The following ADD1 variants were observed in gnomAD, a reference collection of about 807,000 sequenced individuals.
ADD1 encodes the protein adducin 1.
ADD1 carries 24 observed loss-of-function variants against 80.5 expected under a neutral mutation model. That is an observed-to-expected ratio of 0.30 (90% confidence interval 0.22 to 0.42). The LOEUF (loss-of-function observed/expected upper bound fraction) is 0.42, where lower values mean the gene tolerates loss of function less well. Ranked by LOEUF, ADD1 falls within the 10% of genes least tolerant of loss-of-function variation. The pLI is 1.00. For synonymous variants in ADD1, 373 were observed against 393.8 expected (o/e 0.95, Z 0.63); for missense variants, 948 against 1,019.0 (o/e 0.93, Z 0.95).
intron 4 of ADD1, among the ~76,000 whole-genome samples, chr4:2,886,395 T>G (rs1003381942): frequency 6.6e-6 from 1 of 152,242 alleles, no homozygotes; most frequent in Non-Finnish European, 1.5e-5. Context: ...TGAGTTGCCT[T>G]CTATCCATCT....
At chr4:2,898,657 C>T (rs1735668951) in intron 8 of ADD1, 126 bp downstream of exon 8, 1 of 836,614 alleles carries the variant, frequency 1.2e-6, no homozygotes. Context: ...CAAAGATAAG[C>T]TCATGGATTT....
At chr4:2,893,023 T>A (rs1478638133) in intron 4 of ADD1, among the ~76,000 whole-genome samples, 1 of 152,084 alleles carries the variant, frequency 6.6e-6, no homozygotes, top group Non-Finnish European at 1.5e-5. Flanking sequence ...TCCAAGTGAT[T>A]CTCGTGCCTC....
chr4:2,872,426 A>G (rs188542390), intron 1 of ADD1, among the ~76,000 whole-genome samples: 98 of 152,392 alleles, frequency 6.4e-4, no homozygotes, highest in Non-Finnish European at 9.7e-4. Context: ...TTGCCAGTGT[A>G]TAATTATGGC....
intron 1 of ADD1, among the ~76,000 whole-genome samples, chr4:2,851,695 G>A (rs1212010192): frequency 6.6e-6 from 1 of 152,174 alleles, no homozygotes; most frequent in Non-Finnish European, 1.5e-5. Context: ...GCTTCAGGCA[G>A]GAAGGAAGGT....
chr4:2,871,336 AAGC>A (rs1730422248), intron 1 of ADD1, among the ~76,000 whole-genome samples: 6 of 152,228 alleles, frequency 3.9e-5, no homozygotes, highest in African/African-American at 1.4e-4. Flanking sequence ...CCATTGTATA[AAGC>A]AGCAGAACTG....
At chr4:2,871,106 C>A (rs1188041120) in intron 1 of ADD1, among the ~76,000 whole-genome samples, 1 of 151,810 alleles carries the variant, frequency 6.6e-6, no homozygotes, top group African/African-American at 2.4e-5. Flanking sequence ...GTAGCTGGGA[C>A]TACAGGTGCG....
At chr4:2,888,950 C>T (rs1270461531) in intron 4 of ADD1, among the ~76,000 whole-genome samples, 1 of 151,624 alleles carries the variant, frequency 6.6e-6, no homozygotes, top group Non-Finnish European at 1.5e-5. Context: ...GAGAGAGAGA[C>T]AAAAGAGAAA....
intron 14 of ADD1, among the ~76,000 whole-genome samples, chr4:2,925,567 A>T (rs2109219511): frequency 6.6e-6 from 1 of 152,350 alleles, no homozygotes; most frequent in Admixed American, 6.5e-5. Context: ...AATTATTGGG[A>T]TAAAATGCCC....
intron 4 of ADD1, among the ~76,000 whole-genome samples, chr4:2,891,082 T>G (rs1329863738): frequency 2.0e-5 from 3 of 151,914 alleles, no homozygotes; most frequent in African/African-American, 4.8e-5. Context: ...CTCAAAAGTT[T>G]GGGACCAGCT....
intron 3 of ADD1, among the ~76,000 whole-genome samples, chr4:2,884,116 T>C (rs1388199296): frequency 6.6e-6 from 1 of 152,278 alleles, no homozygotes; most frequent in African/African-American, 2.4e-5. Flanking sequence ...TCTTCTCTAA[T>C]GTATACGTTT....
intron 14 of ADD1, among the ~76,000 whole-genome samples, chr4:2,921,251 C>T (rs564569229): frequency 6.6e-6 from 1 of 152,278 alleles, no homozygotes; most frequent in South Asian, 2.1e-4. Context: ...CCTCAGCCTC[C>T]CCAGCAGCTG....
intron 13 of ADD1, among the ~76,000 whole-genome samples, chr4:2,913,163 G>C (rs561580103): frequency 3.9e-5 from 6 of 152,150 alleles, no homozygotes; most frequent in Non-Finnish European, 5.9e-5. Context: ...GTTGATTCTT[G>C]ATATTTGATT....
intron 2 of ADD1, among the ~76,000 whole-genome samples, chr4:2,880,463 C>CTTTTTTTTTTTTTT (rs1167878841): frequency 4.7e-5 from 3 of 63,168 alleles, no homozygotes; most frequent in Non-Finnish European, 8.7e-5. Context: ...TTCTTTCTTT[C>CTTTTTTTTTTTTTT]TTTTTTTTTT....
chr4:2,889,202 C>G (rs1733898217), intron 4 of ADD1, among the ~76,000 whole-genome samples: 1 of 152,156 alleles, frequency 6.6e-6, no homozygotes, highest in Non-Finnish European at 1.5e-5. Context: ...TTGAAACAGA[C>G]ATGCTGTAGT....
intron 3 of ADD1, among the ~76,000 whole-genome samples, chr4:2,883,772 C>T (rs1013308914): frequency 2.0e-5 from 3 of 151,860 alleles, no homozygotes; most frequent in Admixed American, 6.6e-5. Flanking sequence ...CCTGGGTTCA[C>T]GCCATTCTCC....
chr4:2,878,138 A>T (rs1273047959), intron 2 of ADD1, among the ~76,000 whole-genome samples: 1 of 152,220 alleles, frequency 6.6e-6, no homozygotes, highest in African/African-American at 2.4e-5. Context: ...AAGGCTGTGT[A>T]TGCTGAGATT....
chr4:2,889,426 T>C (rs1032491810), intron 4 of ADD1, among the ~76,000 whole-genome samples: 7 of 152,226 alleles, frequency 4.6e-5, no homozygotes, highest in African/African-American at 1.7e-4. Flanking sequence ...CTTGAACCTC[T>C]GGCCTAAGGA....
intron 2 of ADD1, among the ~76,000 whole-genome samples, chr4:2,880,583 G>C (rs1054373193): frequency 8.8e-5 from 12 of 135,702 alleles, no homozygotes; most frequent in African/African-American, 3.3e-4. Flanking sequence ...TCACACCATT[G>C]TCCTGCCTCA....
chr4:2,852,315 CTTTTCTTTTCTTTCT>C, intron 1 of ADD1, among the ~76,000 whole-genome samples: 1 of 77,170 alleles, frequency 1.3e-5, no homozygotes, highest in Non-Finnish European at 2.7e-5. Flanking sequence ...TCTTTTTTTT[CTTTTCTTTTCTTTCT>C]TTTTTTTTTT....
Sources: gnomAD v4.1 joint callset for allele counts (sites outside exome capture counted in the v4.1 genomes callset) on GRCh38, gnomAD v4.1.1 for gene constraint, MANE v1.5 for transcripts, NCBI Gene and HGNC (gene_info 2026-07-23, HGNC 2026-07-21) for gene names.